Variants in BLTP1 observed in about 807,000 individuals in gnomAD.
The protein encoded by BLTP1 is bridge-like lipid transfer protein family member 1.
At chr4:122,234,626 T>C in the BLTP1 span, 6 of 886,626 alleles carry the variant, frequency 6.8e-6, no homozygotes, top group Admixed American at 3.2e-5. Flanking sequence ...AAAAACACAG[T>C]GGGAATAAAC....
the BLTP1 span, chr4:122,170,370 T>C: frequency 1.0e-6 from 1 of 977,228 alleles, no homozygotes; most frequent in Non-Finnish European, 1.2e-6. Context: ...AGTATAGTAA[T>C]TGAACCTTAG....
At chr4:122,216,789 T>C in the BLTP1 span, among the ~76,000 whole-genome samples, 2 of 152,204 alleles carry the variant, frequency 1.3e-5, no homozygotes, top group Non-Finnish European at 2.9e-5. Context: ...TTATTTGTTT[T>C]TGTTTTCGTT....
At chr4:122,356,136 T>C in the BLTP1 span, 1 of 607,168 alleles carries the variant, frequency 1.6e-6, no homozygotes, top group Non-Finnish European at 2.7e-6. Context: ...ATCAGCTATA[T>C]GACCTCTGGA....
the BLTP1 span, chr4:122,178,030 A>G: frequency 5.6e-5 from 42 of 752,136 alleles, no homozygotes; most frequent in African/African-American, 7.6e-4. Context: ...AGAAGAACTC[A>G]TTTGTATAAA....
the BLTP1 span, chr4:122,274,384 C>T: frequency 2.5e-6 from 4 of 1,601,078 alleles, no homozygotes; most frequent in Admixed American, 1.7e-5. Flanking sequence ...TGCTACTGCT[C>T]ATATTGGTGG....
At chr4:122,219,915 T>C in the BLTP1 span, among the ~76,000 whole-genome samples, 9,852 of 152,210 alleles carry the variant, frequency 0.065, 448 homozygotes, top group Non-Finnish European at 0.098. Flanking sequence ...CCAGACCAGT[T>C]TGGGGCCTTA....
chr4:122,291,789 T>A, the BLTP1 span: 23 of 974,578 alleles, frequency 2.4e-5, no homozygotes, highest in Non-Finnish European at 2.8e-5. Flanking sequence ...GCAAATAATA[T>A]AATAGCGTCT....
At chr4:122,238,769 T>TTC in the BLTP1 span, among the ~76,000 whole-genome samples, 1 of 152,238 alleles carries the variant, frequency 6.6e-6, no homozygotes, top group African/African-American at 2.4e-5. Context: ...TGGCTATTCC[T>TTC]TCTCAGTCTC....
At chr4:122,328,945 A>G in the BLTP1 span, 1 of 162,826 alleles carries the variant, frequency 6.1e-6, no homozygotes, top group Admixed American at 6.6e-5. Flanking sequence ...AATAATGGTA[A>G]TAAATAATGA....
At chr4:122,180,047 C>CACACACAT in the BLTP1 span, 1 of 135,784 alleles carries the variant, frequency 7.4e-6, no homozygotes, top group African/African-American at 6.0e-5. Flanking sequence ...CACACACATA[C>CACACACAT]ACACACACAC....
the BLTP1 span, among the ~76,000 whole-genome samples, chr4:122,350,773 C>T: frequency 1.7e-3 from 256 of 152,120 alleles, 1 homozygote; most frequent in African/African-American, 5.7e-3. Flanking sequence ...TTCCAGGCAT[C>T]GGGGGATACT....
chr4:122,185,290 A>G, the BLTP1 span: 5 of 980,136 alleles, frequency 5.1e-6, no homozygotes, highest in Non-Finnish European at 6.1e-6. Context: ...TTTGTTCAAT[A>G]GAGATAAAAA....
chr4:122,262,660 A>G, the BLTP1 span: 9 of 1,376,922 alleles, frequency 6.5e-6, no homozygotes, highest in Non-Finnish European at 7.8e-6. Flanking sequence ...ATTAATGTGC[A>G]AAGTAGCTAG....
At chr4:122,342,235 T>C in the BLTP1 span, among the ~76,000 whole-genome samples, 10 of 152,174 alleles carry the variant, frequency 6.6e-5, no homozygotes, top group Non-Finnish European at 1.3e-4. Flanking sequence ...TGGACAGACT[T>C]TATATGCCTG....
At chr4:122,249,267 A>G in the BLTP1 span, 5 of 543,510 alleles carry the variant, frequency 9.2e-6, no homozygotes, top group Non-Finnish European at 7.0e-6. Flanking sequence ...ACAAATTCAT[A>G]CTACCTTTGA....
the BLTP1 span, among the ~76,000 whole-genome samples, chr4:122,211,703 G>A: frequency 6.6e-6 from 1 of 152,156 alleles, no homozygotes; most frequent in Non-Finnish European, 1.5e-5. Flanking sequence ...CTGAAATTGT[G>A]TAATTGCACA....
the BLTP1 span, chr4:122,267,051 A>ATTGTTTTTTTTTT: frequency 7.2e-6 from 1 of 138,564 alleles, no homozygotes; most frequent in Non-Finnish European, 1.3e-5. Context: ...TAAGGAAGTA[A>ATTGTTTTTTTTTT]TTTTTTTTTT....
At chr4:122,249,105 T>A in the BLTP1 span, 1 of 871,360 alleles carries the variant, frequency 1.1e-6, no homozygotes, top group Non-Finnish European at 1.4e-6. Context: ...ATAATTTGCC[T>A]AGAAAATAAT....
chr4:122,325,180 AT>A, the BLTP1 span: 5 of 1,526,582 alleles, frequency 3.3e-6, no homozygotes, highest in South Asian at 3.7e-5. Flanking sequence ...AAGTCCAGGA[AT>A]TTTTTTAATG....
Sources: gnomAD v4.1 joint callset for allele counts (sites outside exome capture counted in the v4.1 genomes callset) on GRCh38, gnomAD v4.1.1 for gene constraint, MANE v1.5 for transcripts, NCBI Gene and HGNC (gene_info 2026-07-23, HGNC 2026-07-21) for gene names.